Variants in RGS12 observed in about 807,000 individuals in gnomAD.
RGS12 encodes the protein regulator of G protein signaling 12.
RGS12 carries 66 observed loss-of-function variants against 120.1 expected under a neutral mutation model. The observed-to-expected ratio is 0.55, with a 90% CI of 0.45 to 0.67. RGS12 has a LOEUF of 0.67. Ranked by LOEUF, RGS12 falls within the 30% of genes least tolerant of loss-of-function variation. The probability of loss-of-function intolerance (pLI) is 0.00; values close to 1 mark genes in which losing one functional copy is unlikely to be tolerated. For missense variants in RGS12, 1,859 were observed against 1,957.7 expected (o/e 0.95, Z 0.95); for synonymous variants, 827 against 804.7 (o/e 1.03, Z -0.47).
intron 2 of RGS12, among the ~76,000 whole-genome samples, chr4:3,331,941 C>T (rs1458077297): frequency 6.6e-6 from 1 of 152,210 alleles, no homozygotes; most frequent in Non-Finnish European, 1.5e-5. Flanking sequence ...GGGTTTCATC[C>T]TGACCACGGC....
At chr4:3,290,699 C>T (rs533396390), upstream of RGS12, among the ~76,000 whole-genome samples, 32 of 152,332 alleles carry the variant, frequency 2.1e-4, no homozygotes, top group Admixed American at 5.2e-4. Context: ...AGCAGGTGCA[C>T]GCTTCTCCAT....
At chr4:3,383,075 G>C (rs932164457) in intron 3 of RGS12, among the ~76,000 whole-genome samples, 3 of 152,042 alleles carry the variant, frequency 2.0e-5, no homozygotes, top group Admixed American at 6.6e-5. Context: ...GGAAGGATTT[G>C]CATTAATATA....
chr4:3,421,530 G>A (rs941344465), intron 10 of RGS12, among the ~76,000 whole-genome samples: 2 of 152,260 alleles, frequency 1.3e-5, no homozygotes, highest in Non-Finnish European at 2.9e-5. Context: ...GGCCGGCCTT[G>A]CCGTGTGTTT....
rs964646591 is a variant in RGS12 at position 3,390,860 on chromosome 4, C to T, written c.2020+4423C>T. Among the ~76,000 whole-genome samples, 2 of 152,246 alleles carry T rather than the reference C, an allele frequency of 1.3e-5. No homozygotes were observed. The highest frequency in any genetic ancestry group is 4.8e-5 in the African/African-American group (2 of 41,464). On this transcript the variant is annotated intron_variant, in intron 4 of 17. Coordinates refer to ENST00000336727, the MANE Select transcript of RGS12 (RefSeq NM_001394154.1). The surrounding 1 kb of genome is among the most constrained non-coding windows in gnomAD (Gnocchi z 4.6). ...CCGGATTAACTTGGGGGACTTTAAA[C>T]TGCATTCCTCTTTAAAATATAAAGT...
chr4:3,428,150 C>G lies in RGS12; in HGVS notation c.3392C>G (p.Ser1131Cys). ...CAGAACACAGCTGTAAATTCCAGCT[C>G]CAGAAACCACTCGGCTACGGTAATT... is the stretch of plus-strand genomic sequence containing the variant. Reference protein sequence around the residue: ...VKQNTAVNSSSRNHSATGEER... With the variant: ...VKQNTAVNSSCRNHSATGEER... The change falls in exon 15 of 18, where the codon TCC (serine) becomes TGC (cysteine). Residue 1131 changes from serine (S) to cysteine (C), a missense_variant. This residue lies in a region of RGS12 where 517 missense variants were observed against 488.5 expected (regional missense o/e 1.06). Coordinates refer to ENST00000336727, the MANE Select transcript of RGS12 (RefSeq NM_001394154.1). The G allele has an allele frequency of 6.2e-7, 1 of 1,613,648 alleles. No individual in the cohort carries two copies. The highest frequency in any genetic ancestry group is 8.5e-7 in the Non-Finnish European group (1 of 1,179,794).
intron 1 of RGS12, among the ~76,000 whole-genome samples, chr4:3,296,559 A>G (rs1352131711): frequency 1.3e-5 from 2 of 152,130 alleles, no homozygotes; most frequent in Non-Finnish European, 2.9e-5. Flanking sequence ...GTTTACTCAC[A>G]TCTGCAGATC....
Position 3,372,178 on chromosome 4 carries a change from T to C in RGS12, c.1999-14238T>C, listed in dbSNP as rs1452728954. ...CAGCCCCAAAGAAATAGGAATTGCC[T>C]GGAGGAAGAGAGCCCTTGTGGTCTG... On this transcript the variant is annotated intron_variant, in intron 3 of 17. Transcript: ENST00000336727. This position sits in a 1 kb window ranked among gnomAD's most constrained non-coding sequence, Gnocchi z 4.3. Among the ~76,000 whole-genome samples, 2 of 152,158 alleles carry C rather than the reference T, an allele frequency of 1.3e-5. No homozygotes were observed. The highest frequency in any genetic ancestry group is 1.3e-4 in the Admixed American group (2 of 15,286).
rs189565798 is a variant in RGS12 at position 3,427,342 on chromosome 4, G to A, written c.3332-748G>A. 6.4e-4 allele frequency among the ~76,000 whole-genome samples: 98 copies of A among 152,338 alleles called. 5 individuals are homozygous for A. In the South Asian group the frequency reaches 0.013, roughly 21 times the overall value. On this transcript the variant is annotated intron_variant, in intron 14 of 17. Coordinates refer to ENST00000336727, the MANE Select transcript of RGS12 (RefSeq NM_001394154.1). ...AGGGCTGTATGTGGGGCAGGAGCGC[G>A]ACTCCTCCAGTCACATTTGGGCCAC...
At chr4:3,409,948 A>G (rs911494081) in intron 4 of RGS12, among the ~76,000 whole-genome samples, 3 of 152,160 alleles carry the variant, frequency 2.0e-5, no homozygotes, top group African/African-American at 4.8e-5. Flanking sequence ...CCCAGGGTGA[A>G]CTTCGTGCTG....
At chr4:3,349,967 A>G (rs1388612945) in intron 3 of RGS12, among the ~76,000 whole-genome samples, 2 of 152,230 alleles carry the variant, frequency 1.3e-5, no homozygotes, top group Non-Finnish European at 2.9e-5. Context: ...GCACTTTCCC[A>G]TCTACGTTTA....
intron 1 of RGS12, among the ~76,000 whole-genome samples, chr4:3,300,335 C>T (rs574882990): frequency 2.8e-4 from 43 of 152,276 alleles, no homozygotes; most frequent in African/African-American, 8.7e-4. Flanking sequence ...CCTGCCAGAG[C>T]GCCCTGCACT....
rs145497441 is a variant in RGS12, at chr4:3,378,475, C to T, written c.1999-7941C>T. 13 of 152,226 alleles carry T rather than the reference C, an allele frequency of 8.5e-5. No individual in the cohort carries two copies. In the East Asian group the frequency reaches 2.1e-3, roughly 25 times the overall value. 9.4% of individuals were successfully genotyped at this position (152,226 alleles called of 1,614,324 possible). On this transcript the variant is annotated intron_variant, in intron 3 of 17. Coordinates refer to ENST00000336727, the MANE Select transcript of RGS12 (RefSeq NM_001394154.1). ...AGGAAACAACCAACAAAATGAAAAA[C>T]GAACCTGTGAATGGGAGAAAATACT...
At chr4:3,294,869 CAA>C (rs1723276633) in intron 1 of RGS12, among the ~76,000 whole-genome samples, 1 of 152,108 alleles carries the variant, frequency 6.6e-6, no homozygotes, top group Admixed American at 6.5e-5. Flanking sequence ...TTGACAAAGA[CAA>C]GGGCGGAGGA....
chr4:3,393,803 G>A (rs1719761865), intron 4 of RGS12, among the ~76,000 whole-genome samples: 1 of 152,182 alleles, frequency 6.6e-6, no homozygotes, highest in Non-Finnish European at 1.5e-5. Context: ...TTACTTGTGG[G>A]ATGTGGTCTG....
chr4:3,316,289 C>T lies in RGS12; in HGVS notation c.119C>T (p.Ala40Val), dbSNP rs1302837348. The T allele has an allele frequency of 6.2e-7, 1 of 1,614,078 alleles. No individual in the cohort carries two copies. Among genetic ancestry groups the T allele is most frequent in the Non-Finnish European group, 8.5e-7 (1 of 1,179,984 alleles). The stretch of plus-strand genomic sequence containing the variant: ...TACGGATTCACGCTTTCGGGACAGG[C>T]ACCCTGTGTGCTCAGCTGCGTCATG... ...AGYGFTLSGQ[A>V]PCVLSCVMRG... Residue 40 changes from alanine (A) to valine (V), a missense_variant, in exon 2 of 18, where the codon GCA becomes GTA. Physicochemically the swap from Ala to Val is moderately conservative, Grantham distance 64 (BLOSUM62 0). Transcript: ENST00000336727.
intron 4 of RGS12, among the ~76,000 whole-genome samples, chr4:3,394,766 CAA>C (rs1343650045): frequency 1.3e-5 from 2 of 152,070 alleles, no homozygotes; most frequent in Non-Finnish European, 1.5e-5. Flanking sequence ...GCACTCAGAC[CAA>C]GAGACAGAAC....
chr4:3,321,825 C>T (rs542224939), intron 2 of RGS12, among the ~76,000 whole-genome samples: 2 of 152,344 alleles, frequency 1.3e-5, no homozygotes, highest in East Asian at 3.9e-4. Flanking sequence ...AGCCCTAGAA[C>T]AATCTTCAGC....
At chr4:3,331,758 C>T (rs944050493) in intron 2 of RGS12, among the ~76,000 whole-genome samples, 32 of 152,288 alleles carry the variant, frequency 2.1e-4, no homozygotes, top group Admixed American at 3.9e-4. Flanking sequence ...CCATCCCCAG[C>T]GAAAGGAAGG....
rs1179919058 is a variant in RGS12, at chr4:3,417,775, T to C, written c.2761+234T>C. ...TCCAGAATCTTCCAGAGAAAAGGGC[T>C]CAATACATTTCAGCCCATGCCTACC... On this transcript the variant is annotated intron_variant, in intron 9 of 17. Transcript: ENST00000336727. 8 of 531,026 alleles carry C rather than the reference T, an allele frequency of 1.5e-5. No individual in the cohort carries two copies. The African/African-American group carries it at 1.5e-4, about 10-fold the overall frequency. 32.9% of individuals were successfully genotyped at this position (531,026 alleles called of 1,614,324 possible).
Sources: allele counts gnomAD v4.1 joint callset (sites outside exome capture counted in the v4.1 genomes callset), GRCh38; gene constraint gnomAD v4.1.1; regional missense constraint gnomAD v4.1.1; non-coding constraint Gnocchi (gnomAD v3.1); transcripts MANE v1.5; gene names NCBI Gene and HGNC (gene_info 2026-07-23, HGNC 2026-07-21).